The following ZNF197 variants were observed in gnomAD, a reference collection of about 807,000 sequenced individuals.
ZNF197 encodes zinc finger protein 197, also known as VHL-associated KRAB-A domain-containing protein.
In ZNF197, 14 loss-of-function variants were observed where a neutral mutation model predicts 27.4. The observed-to-expected ratio is 0.51, with a 90% CI of 0.34 to 0.80. The LOEUF (loss-of-function observed/expected upper bound fraction) is 0.80. Ranked by LOEUF, ZNF197 falls within the 30% of genes least tolerant of loss-of-function variation. The probability of loss-of-function intolerance (pLI) is 0.02; values close to 1 mark genes in which losing one functional copy is unlikely to be tolerated. For missense variants in ZNF197, 1,090 were observed against 1,222.6 expected, an observed-to-expected ratio of 0.89 and a Z score of 1.62; for synonymous variants, 415 against 420.0, an observed-to-expected ratio of 0.99 and a Z score of 0.15.
rs757929277 is a variant in ZNF197 at position 44,642,895 on chromosome 3, A to C, written c.1765A>C (p.Thr589Pro). Residue 589 changes from threonine (T) to proline (P), a missense_variant, in exon 6 of 6, where the codon ACA (threonine) becomes CCA (proline). Transcript: ENST00000344387. ...KSLLLHQRVH[T>P]EKKTFGCKKC... ...CCTCCTCTTACATCAGAGAGTCCAC[A>C]CAGAAAAGAAAACCTTTGGTTGTAA... 7 of 1,614,144 alleles carry C rather than the reference A, an allele frequency of 4.3e-6. No homozygotes were observed. The highest frequency in any genetic ancestry group is 1.7e-5 in the Admixed American group (1 of 60,022).
Position 44,643,879 on chromosome 3 carries a change from C to G in ZNF197, c.2749C>G (p.Leu917Val). The G allele has an allele frequency of 6.2e-7, 1 of 1,613,578 alleles. No homozygotes were observed. The highest frequency in any genetic ancestry group is 2.2e-5 in the East Asian group (1 of 44,870). ...AAAAGACTTTAGTCAGAATAAAAAC[C>G]TTGTTGTACATCAGAGAATGCACAC... ...CGKDFSQNKN[L>V]VVHQRMHTGE... The change falls in exon 6 of 6, where the codon CTT (leucine) becomes GTT (valine). Residue 917 changes from leucine (L) to valine (V), a missense_variant. Leu to Val is a conservative substitution (Grantham distance 32). Coordinates refer to ENST00000344387, the MANE Select transcript of ZNF197 (RefSeq NM_006991.5).
chr3:44,643,013 G>A lies in ZNF197; in HGVS notation c.1883G>A (p.Gly628Glu). The change falls in exon 6 of 6, where the codon GGG becomes GAG. Residue 628 changes from glycine (G) to glutamate (E), a missense_variant. Transcript: ENST00000344387. ...REKPYKCTECGKAFTQSAYLF... is the reference protein window; with the variant it reads ...REKPYKCTECEKAFTQSAYLF... ...AAACCTTACAAATGCACTGAATGTG[G>A]GAAAGCCTTTACTCAAAGTGCTTAC... is the stretch of plus-strand genomic sequence containing the variant. The A allele has an allele frequency of 1.9e-6, 3 of 1,614,044 alleles. No individual in the cohort carries two copies. The highest frequency in any genetic ancestry group is 2.5e-6 in the Non-Finnish European group (3 of 1,180,012).
intron 5 of ZNF197, among the ~76,000 whole-genome samples, chr3:44,636,413 C>T (rs1432761722): frequency 1.3e-5 from 2 of 152,160 alleles, no homozygotes; most frequent in African/African-American, 2.4e-5. Context: ...CCCTAGCAGG[C>T]ACCAATCTAC....
chr3:44,646,538 G>GA lies in ZNF197; in HGVS notation c.*2321dup, dbSNP rs1702966650. The GA allele has an allele frequency of 7.6e-7, 1 of 1,313,334 alleles. No individual in the cohort carries two copies. Among genetic ancestry groups the GA allele is most frequent in the Non-Finnish European group, 1.1e-6 (1 of 905,720 alleles). The allele number at this position is 1,313,334 out of a possible 1,614,324, so 81.4% of individuals were successfully genotyped here. On this transcript the variant is annotated 3_prime_UTR_variant, in exon 6 of 6. Coordinates refer to ENST00000344387, the MANE Select transcript of ZNF197 (RefSeq NM_006991.5). ...GAGGAACAAATAAAAGACACCACGAGAAACAGACACATCCAGAACGTGGAA... is the reference window on the plus strand; with the variant it reads ...GAGGAACAAATAAAAGACACCACGAGAAAACAGACACATCCAGAACGTGGAA...
chr3:44,643,854 A>T lies in ZNF197; in HGVS notation c.2724A>T (p.Gly908=). The change falls in exon 6 of 6, where the codon GGA becomes GGT. Residue 908 remains glycine (G), a synonymous_variant. Coordinates refer to ENST00000344387, the MANE Select transcript of ZNF197 (RefSeq NM_006991.5). ...GEKPYKCNEC[G]KDFSQNKNLV... ...AACCTTATAAATGTAATGAGTGTGG[A>T]AAAGACTTTAGTCAGAATAAAAACC... 6.2e-7 allele frequency: 1 copy of T among 1,613,598 alleles called. No homozygotes were observed. Among genetic ancestry groups the T allele is most frequent in the South Asian group, 1.1e-5 (1 of 90,968 alleles).
chr3:44,636,304 C>CAA (rs1304837972), intron 5 of ZNF197, among the ~76,000 whole-genome samples: 13,354 of 76,980 alleles, frequency 0.17, 743 homozygotes, highest in Middle Eastern at 0.34. Flanking sequence ...GACTCCGTCT[C>CAA]AAAAAAAAAA....
chr3:44,631,222 G>T lies in ZNF197; in HGVS notation c.550+1G>T. The T allele has an allele frequency of 6.2e-7, 1 of 1,613,998 alleles. No homozygotes were observed. The highest frequency in any genetic ancestry group is 8.5e-7 in the Non-Finnish European group (1 of 1,179,964). ...TTCAACCTCCAGGATCCTCAGCATG[G>T]TATTTACTCAGTGCTCTGGGTTTTG... On this transcript the variant is annotated splice_donor_variant, in intron 3 of 5. Coordinates refer to ENST00000344387, the MANE Select transcript of ZNF197 (RefSeq NM_006991.5). LOFTEE classifies it high-confidence loss of function.
chr3:44,638,903 A>AC (rs913950625), intron 5 of ZNF197, among the ~76,000 whole-genome samples: 2 of 152,180 alleles, frequency 1.3e-5, no homozygotes, highest in African/African-American at 4.8e-5. Flanking sequence ...CTGTAAAGAC[A>AC]GTGTCTCACC....
In ZNF197 at chr3:44,643,326, A is replaced by ATTTC. The variant is rs1303040914; in HGVS notation, c.2196_2197insTTTC (p.Ala733PhefsTer6). The ATTTC allele has an allele frequency of 6.2e-7, 1 of 1,613,748 alleles. No homozygotes were observed. Among genetic ancestry groups the ATTTC allele is most frequent in the Admixed American group, 1.7e-5 (1 of 59,948 alleles). ...ATCAGAAACTCCATACACAAGAGAA[A>ATTTC]GCCTACAAATGTGAGGATTGTGGGA... On this transcript the variant is annotated frameshift_variant, in exon 6 of 6. Transcript: ENST00000344387. LOFTEE classifies it low-confidence loss of function (END_TRUNC).
At chr3:44,637,540 C>T (rs1034028768) in intron 5 of ZNF197, among the ~76,000 whole-genome samples, 3 of 152,008 alleles carry the variant, frequency 2.0e-5, no homozygotes, top group Non-Finnish European at 4.4e-5. Flanking sequence ...TCTAAGAAAC[C>T]ATCACTAATC....
intron 3 of ZNF197, 50 bp from the exon 4 acceptor site, chr3:44,632,055 A>ACT (rs779183595): frequency 6.5e-7 from 1 of 1,531,428 alleles, no homozygotes; most frequent in Non-Finnish European, 9.1e-7. Flanking sequence ...AAGTGGGGTC[A>ACT]CTCAGAAAAG....
Position 44,646,601 on chromosome 3 carries a change from T to A in ZNF197, c.*2381T>A. On this transcript the variant is annotated 3_prime_UTR_variant, in exon 6 of 6. Coordinates refer to ENST00000344387, the MANE Select transcript of ZNF197 (RefSeq NM_006991.5). ...AAGCTGCCCTGGATTCTTCAAAATA[T>A]TATTATGATGAAAAAGAGAGGGGAG... is the stretch of plus-strand genomic sequence containing the variant. 1.2e-6 allele frequency: 1 copy of A among 851,744 alleles called. No individual in the cohort carries two copies. The highest frequency in any genetic ancestry group is 2.0e-6 in the Non-Finnish European group (1 of 498,340). 52.8% of individuals were successfully genotyped at this position (851,744 alleles called of 1,614,324 possible).
At position 44,642,493 on chromosome 3, in the gene ZNF197, A is replaced by AT. The variant is rs1486677838; in HGVS notation, c.1363_1364insT (p.Lys455IlefsTer3). On this transcript the variant is annotated frameshift_variant, in exon 6 of 6. Coordinates refer to ENST00000344387, the MANE Select transcript of ZNF197 (RefSeq NM_006991.5). LOFTEE classifies it low-confidence loss of function (END_TRUNC). ...GATCCACACTGGGGAGAAACCTTAT[A>AT]AGTGTAAGGAGTGTGGAAAGGGCTT... is the stretch of plus-strand genomic sequence containing the variant. 1 of 1,613,956 alleles carries AT rather than the reference A, an allele frequency of 6.2e-7. No individual in the cohort carries two copies. The highest frequency in any genetic ancestry group is 8.5e-7 in the Non-Finnish European group (1 of 1,179,946).
chr3:44,626,766 C>T (rs567352068), intron 1 of ZNF197, among the ~76,000 whole-genome samples: 1 of 152,286 alleles, frequency 6.6e-6, no homozygotes, highest in African/African-American at 2.4e-5. Flanking sequence ...CTAGTGAGGT[C>T]AAATTGGCAA....
intron 1 of ZNF197, among the ~76,000 whole-genome samples, chr3:44,626,884 C>A (rs1200166527): frequency 6.6e-6 from 1 of 152,106 alleles, no homozygotes; most frequent in Non-Finnish European, 1.5e-5. Flanking sequence ...CAAGATTATT[C>A]ATGATTATAT....
chr3:44,634,097 A>G (rs1438818601), intron 5 of ZNF197, among the ~76,000 whole-genome samples: 1 of 152,176 alleles, frequency 6.6e-6, no homozygotes, highest in African/African-American at 2.4e-5. Context: ...CACACAGGAG[A>G]GCCAATTTTC....
Position 44,632,062 on chromosome 3 carries a change from A to T in ZNF197, c.551-43A>T, listed in dbSNP as rs770395252. 7 of 1,579,350 alleles carry T rather than the reference A, an allele frequency of 4.4e-6. No individual in the cohort carries two copies. In the South Asian group the frequency reaches 7.7e-5, roughly 17 times the overall value. ...AGCTCTGCAAGTGGGGTCACTCAGA[A>T]AAGGTTTGTAGGTCCCATATGCAGC... On this transcript the variant is annotated intron_variant, in intron 3 of 5. Transcript: ENST00000344387.
chr3:44,643,148 C>T lies in ZNF197; in HGVS notation c.2018C>T (p.Thr673Ile). The change falls in exon 6 of 6, where the codon ACT becomes ATT. Residue 673 changes from threonine (T) to isoleucine (I), a missense_variant. Transcript: ENST00000344387. ...KSLILHQRFH[T>I]GENLYECKDC... ...CTCATTTTACATCAAAGGTTCCACA[C>T]TGGAGAGAATCTCTATGAATGTAAA... 1 of 1,612,712 alleles carries T rather than the reference C, an allele frequency of 6.2e-7. No homozygotes were observed. The highest frequency in any genetic ancestry group is 8.5e-7 in the Non-Finnish European group (1 of 1,179,690).
At position 44,645,358 on chromosome 3, in the gene ZNF197, CATTTTCAT is replaced by C. The variant is rs145019999; in HGVS notation, c.*1140_*1147del. On this transcript the variant is annotated 3_prime_UTR_variant, in exon 6 of 6. Coordinates refer to ENST00000344387, the MANE Select transcript of ZNF197 (RefSeq NM_006991.5). ...GGATTCCAGGAACCTAAAAGATACT[CATTTTCAT>C]AAGAGGAAGTATGGTGAATAGCTAA... 6.5e-3 allele frequency: 6,407 copies of C among 985,170 alleles called. 300 individuals are homozygous for C. The African/African-American group carries it at 0.1, about 16-fold the overall frequency. The allele number at this position is 985,170 out of a possible 1,614,324, so 61.0% of individuals were successfully genotyped here. A position where few individuals can be genotyped will look rare whatever the true frequency, so the allele number is the denominator to read the frequency against.
Sources: gnomAD v4.1 joint callset for allele counts (sites outside exome capture counted in the v4.1 genomes callset) on GRCh38, gnomAD v4.1.1 for gene constraint, MANE v1.5 for transcripts, NCBI Gene and HGNC (gene_info 2026-07-23, HGNC 2026-07-21) for gene names.